LAMA5: variants seen among roughly 807,000 people sequenced by gnomAD.
The protein encoded by LAMA5 is laminin subunit alpha-5.
A neutral mutation model predicts 433.4 loss-of-function variants in LAMA5; 260 were observed. That is an observed-to-expected ratio of 0.60 (90% CI 0.54 to 0.66). The LOEUF is 0.66. Among genes scored for constraint, LAMA5 ranks in the 30% least tolerant of loss-of-function variants. LAMA5 has a pLI of 0.00. For missense variants in LAMA5, 5,378 were observed against 5,258.5 expected (o/e 1.02, Z -0.70); for synonymous variants, 2,620 against 2,226.6 (o/e 1.18, Z -4.97).
chr20:62,341,826 C>CCAAAAAAA (rs1481794037), intron 11 of LAMA5, among the ~76,000 whole-genome samples: 1 of 128,154 alleles, frequency 7.8e-6, no homozygotes, highest in Admixed American at 7.4e-5. Flanking sequence ...TCTGATCAAC[C>CCAAAAAAA]AAAAAAAAAA....
At position 62,312,456 on chromosome 20, in the gene LAMA5, C is replaced by T; in HGVS notation, c.9304G>A (p.Asp3102Asn). 1 of 1,598,110 alleles carries T rather than the reference C, an allele frequency of 6.3e-7. No individual in the cohort carries two copies. The highest frequency in any genetic ancestry group is 1.3e-5 in the African/African-American group (1 of 74,896). The change falls in exon 68 of 80, where the codon GAC becomes AAC. Residue 3102 changes from aspartate to asparagine, a missense_variant. Coordinates refer to ENST00000252999, the MANE Select transcript of LAMA5 (RefSeq NM_005560.6). Reference protein sequence around the residue: ...KGIKALGKYVDLKRLNTTGVS... With the variant: ...KGIKALGKYVNLKRLNTTGVS... ...CCTGTCGTGTTCAGCCGCTTGAGGT[C>T]CACATACTTGCCCAGGGCCTTGATG...
rs563266699 is a variant in LAMA5 at position 62,342,991 on chromosome 20, T to C, written c.1477+2827A>G. 3.9e-5 allele frequency among the ~76,000 whole-genome samples: 6 copies of C among 152,388 alleles called. No individual in the cohort carries two copies. The East Asian group carries it at 1.2e-3, about 29-fold the overall frequency. ...ACAGGTAATTACTGAGTGCTTACTATGGCCCAGTAGCGAAAAGATAAATTG... is the reference window on the plus strand; with the variant it reads ...ACAGGTAATTACTGAGTGCTTACTACGGCCCAGTAGCGAAAAGATAAATTG... On this transcript the variant is annotated intron_variant, in intron 11 of 79. Transcript: ENST00000252999.
At chr20:62,335,388 C>T (rs1030896454) in intron 18 of LAMA5, 119 bp from the exon 19 acceptor site, 7 of 915,142 alleles carry the variant, frequency 7.6e-6, no homozygotes, top group Non-Finnish European at 1.2e-5. Flanking sequence ...GCTCCAGCAC[C>T]CCCAGGAGCC....
Position 62,310,646 on chromosome 20 carries a change from G to A in LAMA5, c.10446+19C>T. The stretch of plus-strand genomic sequence containing the variant: ...GAACAGTGGGTGGGGAGTGGGGGCT[G>A]GGGCAAGATGGTTCTCACCGGAAGT... On this transcript the variant is annotated intron_variant, in intron 75 of 79. Transcript: ENST00000252999. 1 of 1,597,868 alleles carries A rather than the reference G, an allele frequency of 6.3e-7. No individual in the cohort carries two copies. Among genetic ancestry groups the A allele is most frequent in the South Asian group, 1.1e-5 (1 of 89,552 alleles).
chr20:62,339,859 ACGAT>A (rs1410839589), intron 11 of LAMA5, among the ~76,000 whole-genome samples: 3 of 152,228 alleles, frequency 2.0e-5, no homozygotes, highest in Non-Finnish European at 4.4e-5. Context: ...AGAGGCAAGG[ACGAT>A]CGTGGGGCTG....
At chr20:62,313,564 C>T (rs1208469968) in intron 63 of LAMA5, 85 bp downstream of exon 63, 2 of 1,574,604 alleles carry the variant, frequency 1.3e-6, no homozygotes, top group African/African-American at 1.4e-5. Flanking sequence ...AGGCAAGATA[C>T]CAAAAGAACC....
chr20:62,360,596 AGGTG>A (rs1162190150), intron 2 of LAMA5, among the ~76,000 whole-genome samples: 1 of 1,882 alleles, frequency 5.3e-4, no homozygotes, highest in African/African-American at 7.4e-4. Context: ...AAGGATAGGT[AGGTG>A]GGTGGGTGGG....
Position 62,320,869 on chromosome 20 carries a change from A to C in LAMA5, c.6518T>G (p.Leu2173Arg). 1 of 1,611,132 alleles carries C rather than the reference A, an allele frequency of 6.2e-7. No individual in the cohort carries two copies. The highest frequency in any genetic ancestry group is 8.5e-7 in the Non-Finnish European group (1 of 1,179,090). Residue 2173 changes from leucine (L) to arginine (R), a missense_variant, in exon 49 of 80, where the codon CTG becomes CGG. Leu to Arg is a moderately radical substitution (Grantham distance 102). Transcript: ENST00000252999. ...HCEVCDHCVV[L>R]LLDDLERAGA... is the part of the protein sequence containing the mutation. ...GGCCCGTTCCAGGTCATCCAGGAGC[A>C]GGACCACACAGTGGTCACACACTGC...
chr20:62,319,031 G>A lies in LAMA5; in HGVS notation c.6872-18C>T, dbSNP rs573816616. The A allele has an allele frequency of 2.1e-5, 33 of 1,541,362 alleles. No individual in the cohort carries two copies. The highest frequency in any genetic ancestry group is 1.7e-4 in the Middle Eastern group (1 of 5,720). ...CATGAGCTCTGTGGGGCAGGGGTTC[G>A]TCAGAGCCTGGGGCCGCCCGTACTA... On this transcript the variant is annotated intron_variant, in intron 51 of 79. Transcript: ENST00000252999.
intron 34 of LAMA5, 115 bp from the exon 35 acceptor site, chr20:62,328,560 C>T: frequency 2.7e-6 from 3 of 1,122,604 alleles, no homozygotes; most frequent in South Asian, 1.7e-5. Context: ...GAGACAAGAA[C>T]AGGGACCCCT....
chr20:62,335,806 G>A (rs1342748672), intron 18 of LAMA5, among the ~76,000 whole-genome samples: 2 of 51,916 alleles, frequency 3.9e-5, no homozygotes, highest in East Asian at 1.1e-3. Flanking sequence ...GGAACCCCCT[G>A]CACCCCAACA....
chr20:62,320,285 T>A (rs1294486876), intron 50 of LAMA5, among the ~76,000 whole-genome samples: 1 of 115,218 alleles, frequency 8.7e-6, no homozygotes, highest in East Asian at 3.0e-4. Flanking sequence ...GCCATTGCAC[T>A]CCAGCCTGGG....
rs1987073980 is a variant in LAMA5 at position 62,317,458 on chromosome 20, G to A, written c.7398C>T (p.Thr2466=). 2 of 1,585,824 alleles carry A rather than the reference G, an allele frequency of 1.3e-6. No individual in the cohort carries two copies. The highest frequency in any genetic ancestry group is 1.7e-6 in the Non-Finnish European group (2 of 1,163,798). The change falls in exon 55 of 80, where the codon ACC becomes ACT. Residue 2466 remains threonine (T), a synonymous_variant. Coordinates refer to ENST00000252999, the MANE Select transcript of LAMA5 (RefSeq NM_005560.6). The stretch of plus-strand genomic sequence containing the variant: ...AGGTCTGCATCCTCTGCAGCAGTGG[G>A]GTCCGAGCCCCATCCAGGCTGGCGG... The part of the protein sequence containing the change: ...RLAASLDGAR[T]PLLQRMQTFS...
rs1986439048 is a variant in LAMA5 at position 62,312,658 on chromosome 20, G to GC, written c.9200dup (p.Val3068ArgfsTer122). ...TCGGGGGCAGCTGGTCGGGCGGCAC[G>GC]CCCCCCAGGTAGTAGGCGTCGGCCA... On this transcript the variant is annotated frameshift_variant, in exon 67 of 80. Coordinates refer to ENST00000252999, the MANE Select transcript of LAMA5 (RefSeq NM_005560.6). LOFTEE classifies it high-confidence loss of function. 1 of 1,607,262 alleles carries GC rather than the reference G, an allele frequency of 6.2e-7. No homozygotes were observed. Among genetic ancestry groups the GC allele is most frequent in the East Asian group, 2.2e-5 (1 of 44,514 alleles).
chr20:62,310,301 T>C lies in LAMA5; in HGVS notation c.10611A>G (p.Gly3537=), dbSNP rs1480257908. The stretch of plus-strand genomic sequence containing the variant: ...CCAGGCCCACATCAGGCAGTGTAGC[T>C]CCTGGGAGGTCTGCGGGGAGGGGTT... The part of the protein sequence containing the change: ...SGGVITLDLP[G]ATLPDVGLEL... Residue 3537 remains glycine (G), a synonymous_variant, in exon 77 of 80, where the codon GGA becomes GGG. Transcript: ENST00000252999. 1 of 1,604,326 alleles carries C rather than the reference T, an allele frequency of 6.2e-7. No individual in the cohort carries two copies. Among genetic ancestry groups the C allele is most frequent in the South Asian group, 1.1e-5 (1 of 90,378 alleles).
At position 62,323,776 on chromosome 20, in the gene LAMA5, CG is replaced by C; in HGVS notation, c.5848del (p.Arg1950GlyfsTer38). On this transcript the variant is annotated frameshift_variant and splice_region_variant, in exon 44 of 80. Transcript: ENST00000252999. LOFTEE classifies it high-confidence loss of function. ...KPGYAGASCE[R>X]CAPGFFGNPL... ...CCCCACTGCCCTAGCCCCAGCTCACCGCTCGCAGGAGGCACCTGCATAACCA... is the reference window on the plus strand; with the variant it reads ...CCCCACTGCCCTAGCCCCAGCTCACCCTCGCAGGAGGCACCTGCATAACCA... 1 of 1,609,370 alleles carries C rather than the reference CG, an allele frequency of 6.2e-7. No individual in the cohort carries two copies. Among genetic ancestry groups the C allele is most frequent in the Non-Finnish European group, 8.5e-7 (1 of 1,178,134 alleles).
intron 38 of LAMA5, 127 bp downstream of exon 38, chr20:62,327,106 C>T: frequency 1.8e-6 from 2 of 1,135,660 alleles, no homozygotes; most frequent in Non-Finnish European, 2.5e-6. Flanking sequence ...CGGGACAGGG[C>T]CTGGGCACCC....
chr20:62,345,790 G>A (rs866568032), intron 11 of LAMA5, 28 bp downstream of exon 11: 2 of 1,531,896 alleles, frequency 1.3e-6, no homozygotes, highest in Non-Finnish European at 1.8e-6. Flanking sequence ...GGGCAGGCCG[G>A]GGACCTGGGG....
At chr20:62,336,606 C>A in intron 17 of LAMA5, 128 bp downstream of exon 17, 4 of 1,233,978 alleles carry the variant, frequency 3.2e-6, no homozygotes, top group Non-Finnish European at 4.7e-6. Flanking sequence ...GCCTAAGGAG[C>A]AGACAGGCCC....
Sources: allele counts gnomAD v4.1 joint callset (sites outside exome capture counted in the v4.1 genomes callset), GRCh38; gene constraint gnomAD v4.1.1; transcripts MANE v1.5; gene names NCBI Gene and HGNC (gene_info 2026-07-23, HGNC 2026-07-21).